The following SMOC2 variants were observed in gnomAD, a reference collection of about 807,000 sequenced individuals.
SMOC2 encodes SPARC-related modular calcium-binding protein 2.
Under a neutral mutation model 61.4 loss-of-function variants are expected in SMOC2, and 39 were observed. The ratio of observed to expected loss-of-function variants is 0.64; its 90% CI spans 0.49 to 0.83. The LOEUF (loss-of-function observed/expected upper bound fraction) is 0.83. Among genes scored for constraint, SMOC2 ranks in the 40% least tolerant of loss-of-function variants. SMOC2 has a pLI of 0.00. For missense variants in SMOC2, 556 were observed against 592.9 expected, an observed-to-expected ratio of 0.94 and a Z score of 0.65; for synonymous variants, 247 against 239.9, an observed-to-expected ratio of 1.03 and a Z score of -0.27.
At chr6:168,570,978 G>A (rs1784650536) in intron 7 of SMOC2, among the ~76,000 whole-genome samples, 2 of 152,180 alleles carry the variant, frequency 1.3e-5, no homozygotes, top group South Asian at 4.2e-4. Context: ...ACAACCAATG[G>A]AGCGTAGCTG....
At chr6:168,504,533 C>T (rs1017236227) in intron 1 of SMOC2, among the ~76,000 whole-genome samples, 8 of 151,762 alleles carry the variant, frequency 5.3e-5, no homozygotes, top group African/African-American at 1.9e-4. Context: ...GCTGATCTGA[C>T]AGGAGGTGGA....
At chr6:168,549,921 A>T (rs1301683241) in intron 7 of SMOC2, among the ~76,000 whole-genome samples, 1 of 152,232 alleles carries the variant, frequency 6.6e-6, no homozygotes, top group Non-Finnish European at 1.5e-5. Context: ...AATTTAGTTT[A>T]AAATCCTCCA....
At chr6:168,514,810 G>T (rs542466635) in intron 2 of SMOC2, among the ~76,000 whole-genome samples, 5 of 152,200 alleles carry the variant, frequency 3.3e-5, no homozygotes, top group Non-Finnish European at 7.3e-5. Flanking sequence ...AGGCCGCGAA[G>T]AAGCTTCCGC....
chr6:168,581,794 C>T (rs1157979274), intron 7 of SMOC2, among the ~76,000 whole-genome samples: 1 of 152,154 alleles, frequency 6.6e-6, no homozygotes, highest in Non-Finnish European at 1.5e-5. Context: ...CCTGCAGCCC[C>T]CCTCCCCTCC....
At position 168,536,376 on chromosome 6, in the gene SMOC2, A is replaced by G. The variant is rs73791063; in HGVS notation, c.464-7249A>G. On this transcript the variant is annotated intron_variant, in intron 4 of 12. Coordinates refer to ENST00000356284, the MANE Select transcript of SMOC2 (RefSeq NM_001166412.2). Reference sequence around the variant, plus strand: ...AGCTCAAGGCTGAGACAAAGAAGGAATACTTGGGAGCAGTGCCTTCAGAGG... The same window carrying G: ...AGCTCAAGGCTGAGACAAAGAAGGAGTACTTGGGAGCAGTGCCTTCAGAGG... 4.3e-3 allele frequency among the ~76,000 whole-genome samples: 657 copies of G among 152,176 alleles called. 2 individuals carry two copies. The highest frequency in any genetic ancestry group is 0.014 in the African/African-American group (588 of 41,528).
At chr6:168,480,862 G>A (rs1782193015) in intron 1 of SMOC2, among the ~76,000 whole-genome samples, 1 of 152,134 alleles carries the variant, frequency 6.6e-6, no homozygotes, top group South Asian at 2.1e-4. Context: ...AAGATTAATA[G>A]CAGATTTTTC....
At chr6:168,599,624 CCACACA>C (rs1178986291) in intron 8 of SMOC2, among the ~76,000 whole-genome samples, 1 of 114,556 alleles carries the variant, frequency 8.7e-6, no homozygotes, top group Non-Finnish European at 1.8e-5. Flanking sequence ...CACACTCATA[CCACACA>C]CACCCACACC....
intron 9 of SMOC2, among the ~76,000 whole-genome samples, chr6:168,634,629 T>C (rs1252935848): frequency 6.6e-6 from 1 of 152,250 alleles, no homozygotes; most frequent in Non-Finnish European, 1.5e-5. Flanking sequence ...ATAGTGCAGC[T>C]GGTTTTCCAA....
chr6:168,640,171 CTTGGTGTTGGTG>C (rs60395429), intron 9 of SMOC2, among the ~76,000 whole-genome samples: 10 of 150,334 alleles, frequency 6.7e-5, no homozygotes, highest in South Asian at 2.1e-4. Context: ...AGCACACGGT[CTTGGTGTTGGTG>C]TTGGTGTTGG....
intron 2 of SMOC2, among the ~76,000 whole-genome samples, chr6:168,524,282 A>T (rs1783404955): frequency 6.6e-6 from 1 of 152,256 alleles, no homozygotes; most frequent in Non-Finnish European, 1.5e-5. Flanking sequence ...ACTTCATAAG[A>T]TGACTGCAGG....
At chr6:168,525,053 G>GTCGAGACGGCCTTT (rs1783422151) in intron 2 of SMOC2, among the ~76,000 whole-genome samples, 1 of 152,258 alleles carries the variant, frequency 6.6e-6, no homozygotes, top group Admixed American at 6.5e-5. Context: ...AGTCCTTGGA[G>GTCGAGACGGCCTTT]TCGAGACGGC....
intron 2 of SMOC2, among the ~76,000 whole-genome samples, chr6:168,511,143 A>G (rs1782997669): frequency 6.6e-6 from 1 of 152,236 alleles, no homozygotes; most frequent in Non-Finnish European, 1.5e-5. Context: ...GAAGATGTAT[A>G]TATCATCTAA....
At chr6:168,631,955 C>T (rs1312883964) in intron 9 of SMOC2, among the ~76,000 whole-genome samples, 2 of 152,304 alleles carry the variant, frequency 1.3e-5, no homozygotes, top group East Asian at 3.9e-4. Context: ...GACAGGGCTG[C>T]TCAACCAGGG....
intron 9 of SMOC2, among the ~76,000 whole-genome samples, chr6:168,619,888 C>G (rs572133183): frequency 6.6e-6 from 1 of 152,236 alleles, no homozygotes; most frequent in Admixed American, 6.5e-5. Context: ...TCAGTTTACA[C>G]GCTCTGTGTC....
intron 7 of SMOC2, among the ~76,000 whole-genome samples, chr6:168,592,288 T>C (rs13196534): frequency 0.15 from 16,550 of 112,452 alleles, 1,954 homozygotes; most frequent in South Asian, 0.22. Flanking sequence ...TAGAGGATCG[T>C]GGAGCTCCTC....
chr6:168,598,387 G>C (rs1048094297), intron 7 of SMOC2, among the ~76,000 whole-genome samples: 1 of 152,190 alleles, frequency 6.6e-6, no homozygotes, highest in African/African-American at 2.4e-5. Context: ...CCTGGGGCCC[G>C]CTCTGAGGAA....
chr6:168,644,526 A>AGTCAC (rs1449305164), intron 9 of SMOC2, among the ~76,000 whole-genome samples: 1 of 152,162 alleles, frequency 6.6e-6, no homozygotes, highest in Non-Finnish European at 1.5e-5. Context: ...CTTCATCACA[A>AGTCAC]GTCACCAGTG....
At chr6:168,588,892 C>T (rs1785107827) in intron 7 of SMOC2, among the ~76,000 whole-genome samples, 2 of 151,976 alleles carry the variant, frequency 1.3e-5, no homozygotes, top group African/African-American at 4.8e-5. Context: ...GAGTTCGAGA[C>T]CAGCCTGGCC....
chr6:168,592,340 C>T (rs11966826), intron 7 of SMOC2, among the ~76,000 whole-genome samples: 18,477 of 95,154 alleles, frequency 0.19, 1,699 homozygotes, highest in East Asian at 0.28. Context: ...AGAGGATCTC[C>T]GAGCTCCTCC....
Sources: allele counts gnomAD v4.1 joint callset (sites outside exome capture counted in the v4.1 genomes callset), GRCh38; gene constraint gnomAD v4.1.1; transcripts MANE v1.5; gene names NCBI Gene and HGNC (gene_info 2026-07-23, HGNC 2026-07-21).